NTRK2: variants seen among roughly 807,000 people sequenced by gnomAD.
NTRK2 encodes the protein BDNF/NT-3 growth factors receptor.
A neutral mutation model predicts 94.5 loss-of-function variants in NTRK2; 13 were observed. The ratio of observed to expected loss-of-function variants is 0.14; its 90% CI spans 0.09 to 0.22. The LOEUF (loss-of-function observed/expected upper bound fraction) is 0.22. Ranked by LOEUF, NTRK2 falls within the 10% of genes least tolerant of loss-of-function variation. The pLI is 1.00. For synonymous variants in NTRK2, 372 were observed against 407.4 expected (o/e 0.91, Z 1.05); for missense variants, 639 against 1,071.2 (o/e 0.60, Z 5.63).
chr9:84,709,959 C>CTG (rs1491578776), intron 5 of NTRK2, among the ~76,000 whole-genome samples: 7,523 of 116,042 alleles, frequency 0.065, 223 homozygotes, highest in East Asian at 0.1. Flanking sequence ...GAATAGCTTG[C>CTG]TCTGTGTGTG....
In NTRK2 at chr9:84,874,273, G is replaced by T. The variant is rs200255058; in HGVS notation, c.1633+6842G>T. Reference sequence around the variant, plus strand: ...CTACCCAGGTGCTTTGAACAATTGAGTGCTCCCTCTGGTTAAGTAGAGATG... The same window carrying T: ...CTACCCAGGTGCTTTGAACAATTGATTGCTCCCTCTGGTTAAGTAGAGATG... On this transcript the variant is annotated intron_variant, in intron 14 of 18. Coordinates refer to ENST00000277120, the MANE Select transcript of NTRK2 (RefSeq NM_006180.6). 14 of 1,065,476 alleles carry T rather than the reference G, an allele frequency of 1.3e-5. No individual in the cohort carries two copies. The African/African-American group carries it at 2.3e-4, about 17-fold the overall frequency. The allele number at this position is 1,065,476 out of a possible 1,614,324, so 66.0% of individuals were successfully genotyped here.
rs1470571049 is a variant in NTRK2, at chr9:84,745,143, G to T, written c.1296+70G>T. The T allele has an allele frequency of 5.8e-6, 6 of 1,027,768 alleles. No individual in the cohort carries two copies. The African/African-American group carries it at 6.3e-5, about 11-fold the overall frequency. 63.7% of individuals were successfully genotyped at this position (1,027,768 alleles called of 1,614,324 possible). ...GATGCCTCCATGTTAGAGGAATGTA[G>T]CTGCTTCAATAAGACACTTTTATTG... is the stretch of plus-strand genomic sequence containing the variant. On this transcript the variant is annotated intron_variant, in intron 11 of 18. Transcript: ENST00000277120.
chr9:84,733,346 C>A (rs2063023479), intron 9 of NTRK2, among the ~76,000 whole-genome samples: 1 of 152,318 alleles, frequency 6.6e-6, no homozygotes, highest in East Asian at 1.9e-4. Context: ...CCTCTGAGTG[C>A]CTCACATCAC....
At chr9:84,911,644 C>T (rs563146806) in intron 14 of NTRK2, among the ~76,000 whole-genome samples, 5 of 152,190 alleles carry the variant, frequency 3.3e-5, no homozygotes, top group South Asian at 4.2e-4. Context: ...TGTGTCTTCT[C>T]TCTTATTTTC....
chr9:84,985,345 A>G (rs1037866695), intron 17 of NTRK2, among the ~76,000 whole-genome samples: 1 of 152,212 alleles, frequency 6.6e-6, no homozygotes, highest in Non-Finnish European at 1.5e-5. Context: ...ACTAAGGGCA[A>G]ACTCCTCTGG....
At chr9:84,964,217 T>G (rs902505238) in intron 17 of NTRK2, among the ~76,000 whole-genome samples, 1 of 152,226 alleles carries the variant, frequency 6.6e-6, no homozygotes, top group Admixed American at 6.5e-5. Flanking sequence ...TGTTATGGAA[T>G]GCATTTATAT....
chr9:84,723,991 T>A (rs1398469342), intron 7 of NTRK2, among the ~76,000 whole-genome samples: 3 of 152,198 alleles, frequency 2.0e-5, no homozygotes, highest in Non-Finnish European at 4.4e-5. Flanking sequence ...CCCTGTGGTC[T>A]TCTCCCTTGG....
At chr9:84,998,081 G>A (rs17088013) in intron 17 of NTRK2, among the ~76,000 whole-genome samples, 4,381 of 152,252 alleles carry the variant, frequency 0.029, 154 homozygotes, top group African/African-American at 0.075. Context: ...CTCCTCTGAA[G>A]CCTGTACATG....
intron 14 of NTRK2, chr9:84,873,534 A>G (rs956460050): frequency 9.5e-7 from 1 of 1,057,264 alleles, no homozygotes; most frequent in Admixed American, 5.4e-5. Flanking sequence ...ACAATTTGAT[A>G]TCATATTCCC....
intron 14 of NTRK2, chr9:84,873,273 TG>T: frequency 1.2e-5 from 13 of 1,059,920 alleles, no homozygotes; most frequent in Non-Finnish European, 1.5e-5. Context: ...ATGGCTGCTT[TG>T]GGAGTTGTTT....
At chr9:84,832,738 T>C (rs1264038560) in intron 12 of NTRK2, among the ~76,000 whole-genome samples, 1 of 152,220 alleles carries the variant, frequency 6.6e-6, no homozygotes, top group Non-Finnish European at 1.5e-5. Flanking sequence ...TTCATTTCAC[T>C]GTCTTCATTC....
At chr9:84,905,944 G>A (rs2077062691) in intron 14 of NTRK2, among the ~76,000 whole-genome samples, 1 of 152,196 alleles carries the variant, frequency 6.6e-6, no homozygotes, top group Admixed American at 6.5e-5. Flanking sequence ...ATGAGTAAAC[G>A]GTGAGAGAAG....
chr9:84,753,278 G>T (rs1000722648), intron 12 of NTRK2, among the ~76,000 whole-genome samples: 1 of 151,952 alleles, frequency 6.6e-6, no homozygotes, highest in Non-Finnish European at 1.5e-5. Context: ...TTGGGAGAGG[G>T]ACCACCCCAC....
intron 13 of NTRK2, among the ~76,000 whole-genome samples, chr9:84,865,638 T>G (rs2075557297): frequency 6.6e-6 from 1 of 151,948 alleles, no homozygotes; most frequent in South Asian, 2.1e-4. Flanking sequence ...GTAGGGGGGG[T>G]TGGAAGAAAG....
chr9:84,800,130 A>G (rs970316007), intron 12 of NTRK2, among the ~76,000 whole-genome samples: 37 of 151,878 alleles, frequency 2.4e-4, no homozygotes, highest in African/African-American at 8.0e-4. Context: ...TCCTGGAGGC[A>G]CTCCTCTCGC....
chr9:84,707,597 G>A (rs1224110448), intron 4 of NTRK2, among the ~76,000 whole-genome samples: 1 of 151,986 alleles, frequency 6.6e-6, no homozygotes, highest in Non-Finnish European at 1.5e-5. Flanking sequence ...AAGCTTTTGG[G>A]TGAAAAAGAC....
At chr9:84,751,639 T>C (rs2064623546) in intron 11 of NTRK2, among the ~76,000 whole-genome samples, 1 of 152,168 alleles carries the variant, frequency 6.6e-6, no homozygotes, top group Admixed American at 6.6e-5. Context: ...TCATATTCTC[T>C]CTCTCCCTTT....
chr9:84,706,610 A>C (rs2061110060), intron 4 of NTRK2, among the ~76,000 whole-genome samples: 1 of 140,566 alleles, frequency 7.1e-6, no homozygotes, highest in Admixed American at 8.0e-5. Context: ...GCTCACTGCA[A>C]GCTCTGCCTC....
At chr9:84,959,500 G>A (rs1027833630) in intron 17 of NTRK2, among the ~76,000 whole-genome samples, 2 of 152,172 alleles carry the variant, frequency 1.3e-5, no homozygotes, top group South Asian at 2.1e-4. Flanking sequence ...CAGGAGGGGC[G>A]GGTGGCAGCT....
Sources: gnomAD v4.1 joint callset for allele counts (sites outside exome capture counted in the v4.1 genomes callset) on GRCh38, gnomAD v4.1.1 for gene constraint, MANE v1.5 for transcripts, NCBI Gene and HGNC (gene_info 2026-07-23, HGNC 2026-07-21) for gene names.